Variants in EFNA3 observed in about 807,000 individuals in gnomAD.
The protein encoded by EFNA3 is ephrin A3.
In EFNA3, 15 loss-of-function variants were observed where a neutral mutation model predicts 25.0. The observed-to-expected ratio is 0.60, with a 90% CI of 0.40 to 0.92. The LOEUF is 0.92. Among genes scored for constraint, EFNA3 ranks in the 40% least tolerant of loss-of-function variants. EFNA3 has a pLI of 0.00. For missense variants in EFNA3, 298 were observed against 323.8 expected (o/e 0.92, Z 0.61); for synonymous variants, 153 against 145.6 (o/e 1.05, Z -0.37).
In EFNA3 at chr1:155,086,857, G is replaced by A. The variant is rs1470142477; in HGVS notation, c.*314G>A. 9.8e-6 allele frequency: 3 copies of A among 306,360 alleles called. No homozygotes were observed. The highest frequency in any genetic ancestry group is 1.9e-5 in the Non-Finnish European group (3 of 161,554). The allele number at this position is 306,360 out of a possible 1,614,324, so 19.0% of individuals were successfully genotyped here. The stretch of plus-strand genomic sequence containing the variant: ...CCCTGGTACCTTTCCCTGACTCCTG[G>A]TGCCCTCTCCCTTTGTCCCCCCAGA... On this transcript the variant is annotated 3_prime_UTR_variant, in exon 5 of 5. Transcript: ENST00000368408.
intron 1 of EFNA3, among the ~76,000 whole-genome samples, chr1:155,084,086 C>G (rs1479446775): frequency 2.0e-5 from 3 of 152,184 alleles, no homozygotes; most frequent in African/African-American, 7.2e-5. Context: ...AAAGAGGGAT[C>G]AGGGAAATAA....
At chr1:155,086,040 G>A in intron 3 of EFNA3, 88 bp from the exon 4 acceptor site, 3 of 1,572,268 alleles carry the variant, frequency 1.9e-6, no homozygotes, top group Non-Finnish European at 1.7e-6. Flanking sequence ...CACAGGTGAG[G>A]GGGGCTTGCT....
At position 155,085,680 on chromosome 1, in the gene EFNA3, A is replaced by C; in HGVS notation, c.443-197A>C. On this transcript the variant is annotated intron_variant, in intron 2 of 4. Transcript: ENST00000368408. This position sits in a 1 kb window ranked among gnomAD's most constrained non-coding sequence, Gnocchi z 4.4. Reference sequence around the variant, plus strand: ...CCGGGGTTGGAACATCAGGGATCCCAGTTTCTTGAGGGGTGGGACCAAAGG... The same window carrying C: ...CCGGGGTTGGAACATCAGGGATCCCCGTTTCTTGAGGGGTGGGACCAAAGG... 1 of 690,594 alleles carries C rather than the reference A, an allele frequency of 1.4e-6. No individual in the cohort carries two copies. The highest frequency in any genetic ancestry group is 1.9e-5 in the South Asian group (1 of 52,096). 42.8% of individuals were successfully genotyped at this position (690,594 alleles called of 1,614,324 possible). A position where few individuals can be genotyped will look rare whatever the true frequency, so the allele number is the denominator to read the frequency against.
chr1:155,081,804 C>T lies in EFNA3; in HGVS notation c.128+2735C>T, dbSNP rs563972558. On this transcript the variant is annotated intron_variant, in intron 1 of 4. Coordinates refer to ENST00000368408, the MANE Select transcript of EFNA3 (RefSeq NM_004952.5). This position sits in a 1 kb window ranked among gnomAD's most constrained non-coding sequence, Gnocchi z 5.2. ...TCGCACTGTGTCTCCCTTCCTTTCC[C>T]CTTTCAGTGAATCCGGCCTCTGCCA... Among the ~76,000 whole-genome samples the T allele has an allele frequency of 7.9e-5, 12 of 152,352 alleles. No homozygotes were observed. The South Asian group carries it at 2.3e-3, about 29-fold the overall frequency.
intron 4 of EFNA3, 74 bp from the exon 5 acceptor site, chr1:155,086,339 A>T: frequency 6.8e-7 from 1 of 1,468,414 alleles, no homozygotes; most frequent in South Asian, 1.2e-5. Flanking sequence ...CCCTGGCTCC[A>T]TTGCTGCTGC....
In EFNA3 at chr1:155,086,502, G is replaced by C. The variant is rs774764211; in HGVS notation, c.676G>C (p.Val226Leu). 6.2e-7 allele frequency: 1 copy of C among 1,614,046 alleles called. No individual in the cohort carries two copies. Residue 226 changes from valine to leucine, a missense_variant, in exon 5 of 5, where the codon GTG becomes CTG. Transcript: ENST00000368408. Reference sequence around the variant, plus strand: ...CAAACGGGAACACCTGCCCCTGGCCGTGGGCATCGCCTTCTTCCTCATGAC... The same window carrying C: ...CAAACGGGAACACCTGCCCCTGGCCCTGGGCATCGCCTTCTTCCTCATGAC... ...SPKREHLPLAVGIAFFLMTFL... is the reference protein window; with the variant it reads ...SPKREHLPLALGIAFFLMTFL...
At chr1:155,084,544 G>T (rs189438968) in intron 1 of EFNA3, among the ~76,000 whole-genome samples, 256 of 152,370 alleles carry the variant, frequency 1.7e-3, no homozygotes, top group African/African-American at 5.3e-3. Context: ...GTCTGTAAGG[G>T]CAGGTCCTGT....
At position 155,085,934 on chromosome 1, in the gene EFNA3, G is replaced by A. The variant is rs757677577; in HGVS notation, c.500G>A (p.Cys167Tyr). ...KCLRMKVFVCCASTSHSGEKP... is the reference protein window; with the variant it reads ...KCLRMKVFVCYASTSHSGEKP... ...CTGAGGATGAAGGTGTTCGTCTGCT[G>A]CGCCTCCAGTGAGTAGAATAGGCTC... Residue 167 changes from cysteine to tyrosine, a missense_variant, in exon 3 of 5, where the codon TGC becomes TAC. Coordinates refer to ENST00000368408, the MANE Select transcript of EFNA3 (RefSeq NM_004952.5). The surrounding 1 kb of genome is among the most constrained non-coding windows in gnomAD (Gnocchi z 4.4). 2 of 1,611,232 alleles carry A rather than the reference G, an allele frequency of 1.2e-6. No homozygotes were observed. Among genetic ancestry groups the A allele is most frequent in the East Asian group, 2.2e-5 (1 of 44,578 alleles).
In EFNA3 at chr1:155,079,174, C is replaced by A; in HGVS notation, c.128+105C>A. On this transcript the variant is annotated intron_variant, in intron 1 of 4. Transcript: ENST00000368408. The surrounding 1 kb of genome is among the most constrained non-coding windows in gnomAD (Gnocchi z 7.7). ...TCCCGGGGTGGGAGTCCTGGGAGAC[C>A]AGAGCTGGGGGCTGGGAGGGGACGG... 8.5e-7 allele frequency: 1 copy of A among 1,176,292 alleles called. No individual in the cohort carries two copies. The highest frequency in any genetic ancestry group is 1.1e-6 in the Non-Finnish European group (1 of 922,960). The allele number at this position is 1,176,292 out of a possible 1,614,324, so 72.9% of individuals were successfully genotyped here.
rs1663321062 is a variant in EFNA3 at position 155,080,474 on chromosome 1, G to A, written c.128+1405G>A. Among the ~76,000 whole-genome samples, 1 of 152,130 alleles carries A rather than the reference G, an allele frequency of 6.6e-6. No homozygotes were observed. Among genetic ancestry groups the A allele is most frequent in the Non-Finnish European group, 1.5e-5 (1 of 67,994 alleles). ...GGAGCGGGACTCCAAGAACTCCGGGGGGCGCTGGGGGCTGACTTTCCAGCT... is the reference window on the plus strand; with the variant it reads ...GGAGCGGGACTCCAAGAACTCCGGGAGGCGCTGGGGGCTGACTTTCCAGCT... On this transcript the variant is annotated intron_variant, in intron 1 of 4. Transcript: ENST00000368408. The surrounding 1 kb of genome is among the most constrained non-coding windows in gnomAD (Gnocchi z 7.0).
intron 4 of EFNA3, 60 bp downstream of exon 4, chr1:155,086,265 G>T: frequency 3.8e-6 from 6 of 1,599,624 alleles, no homozygotes; most frequent in Non-Finnish European, 5.1e-6. Context: ...CCGCCCCGGT[G>T]CCTGCTCACC....
Position 155,086,615 on chromosome 1 carries a change from A to G in EFNA3, c.*72A>G, listed in dbSNP as rs1202668131. The G allele has an allele frequency of 1.3e-6, 2 of 1,578,908 alleles. No individual in the cohort carries two copies. Among genetic ancestry groups the G allele is most frequent in the Non-Finnish European group, 1.7e-6 (2 of 1,163,052 alleles). ...GGAGCAGGGAGCCTTTGGCCTCTCC[A>G]AGGGAAGCCTAGTGGGCCTAGACCC... is the stretch of plus-strand genomic sequence containing the variant. On this transcript the variant is annotated 3_prime_UTR_variant, in exon 5 of 5. Transcript: ENST00000368408.
chr1:155,080,870 G>A lies in EFNA3; in HGVS notation c.128+1801G>A, dbSNP rs1408957762. Among the ~76,000 whole-genome samples the A allele has an allele frequency of 6.6e-6, 1 of 152,194 alleles. No homozygotes were observed. The highest frequency in any genetic ancestry group is 2.4e-5 in the African/African-American group (1 of 41,452). ...GCCGCCGCCCCCGCCTCGCTTCCCG[G>A]GCCTTTGTTGCCGCTGCGCCCGGGC... is the stretch of plus-strand genomic sequence containing the variant. On this transcript the variant is annotated intron_variant, in intron 1 of 4. Coordinates refer to ENST00000368408, the MANE Select transcript of EFNA3 (RefSeq NM_004952.5). This position sits in a 1 kb window ranked among gnomAD's most constrained non-coding sequence, Gnocchi z 7.0.
intron 1 of EFNA3, among the ~76,000 whole-genome samples, chr1:155,082,443 TCCC>T (rs1349016052): frequency 6.6e-6 from 1 of 152,076 alleles, no homozygotes; most frequent in South Asian, 2.1e-4. Flanking sequence ...GTTTGCTCCT[TCCC>T]CGCTCCGCCC....
chr1:155,086,744 G>A lies in EFNA3; in HGVS notation c.*201G>A. On this transcript the variant is annotated 3_prime_UTR_variant, in exon 5 of 5. Coordinates refer to ENST00000368408, the MANE Select transcript of EFNA3 (RefSeq NM_004952.5). Reference sequence around the variant, plus strand: ...CTGTAGTGGACCAAGCACGGGGACAGCCATGGGTCCCGGGCGGCCTTGTGG... The same window carrying A: ...CTGTAGTGGACCAAGCACGGGGACAACCATGGGTCCCGGGCGGCCTTGTGG... The A allele has an allele frequency of 1.5e-6, 1 of 652,812 alleles. No homozygotes were observed. 40.4% of individuals were successfully genotyped at this position (652,812 alleles called of 1,614,324 possible).
chr1:155,086,123 C>CCCCCCCAA lies in EFNA3; in HGVS notation c.509-5_509-4insCCCCCCAA. ...CTCTCTCCCCACCCGCACCCCACCC[C>CCCCCCCAA]GCAGCATCGCACTCCGGGGAGAAGC... On this transcript the variant is annotated splice_region_variant and splice_polypyrimidine_tract_variant and intron_variant, in intron 3 of 4. Transcript: ENST00000368408. 1.2e-6 allele frequency: 2 copies of CCCCCCCAA among 1,611,518 alleles called. No individual in the cohort carries two copies. The highest frequency in any genetic ancestry group is 8.5e-7 in the Non-Finnish European group (1 of 1,178,486).
rs965888128 is a variant in EFNA3 at position 155,086,708 on chromosome 1, C to G, written c.*165C>G. 3.6e-6 allele frequency: 3 copies of G among 834,454 alleles called. 1 individual carries two copies. Among genetic ancestry groups the G allele is most frequent in the South Asian group, 3.5e-5 (2 of 56,440 alleles). 51.7% of individuals were successfully genotyped at this position (834,454 alleles called of 1,614,324 possible). A position where few individuals can be genotyped will look rare whatever the true frequency, so the allele number is the denominator to read the frequency against. ...GTCCGCCCCCTCTACCCCTTCCCCC[C>G]ACGTAGGGCACTGTAGTGGACCAAG... On this transcript the variant is annotated 3_prime_UTR_variant, in exon 5 of 5. Coordinates refer to ENST00000368408, the MANE Select transcript of EFNA3 (RefSeq NM_004952.5).
rs1228230668 is a variant in EFNA3 at position 155,080,846 on chromosome 1, C to G, written c.128+1777C>G. Among the ~76,000 whole-genome samples, 1 of 152,142 alleles carries G rather than the reference C, an allele frequency of 6.6e-6. No individual in the cohort carries two copies. The highest frequency in any genetic ancestry group is 1.5e-5 in the Non-Finnish European group (1 of 67,982). The stretch of plus-strand genomic sequence containing the variant: ...GGGCGCACACCGGGCCAGGAGGCTG[C>G]CGCCGCCCCCGCCTCGCTTCCCGGG... On this transcript the variant is annotated intron_variant, in intron 1 of 4. Transcript: ENST00000368408. The surrounding 1 kb of genome is among the most constrained non-coding windows in gnomAD (Gnocchi z 7.0).
At position 155,080,241 on chromosome 1, in the gene EFNA3, C is replaced by A. The variant is rs935897360; in HGVS notation, c.128+1172C>A. 6.6e-6 allele frequency among the ~76,000 whole-genome samples: 1 copy of A among 152,044 alleles called. No individual in the cohort carries two copies. The highest frequency in any genetic ancestry group is 1.5e-5 in the Non-Finnish European group (1 of 67,982). On this transcript the variant is annotated intron_variant, in intron 1 of 4. Coordinates refer to ENST00000368408, the MANE Select transcript of EFNA3 (RefSeq NM_004952.5). The surrounding 1 kb of genome is among the most constrained non-coding windows in gnomAD (Gnocchi z 7.0). ...AATGGCCAGACCCCAGGGGAGGGGA[C>A]CGGGAGGGCCGGGCGGCCGCGACCC...
Sources: allele counts gnomAD v4.1 joint callset (sites outside exome capture counted in the v4.1 genomes callset), GRCh38; gene constraint gnomAD v4.1.1; non-coding constraint Gnocchi (gnomAD v3.1); transcripts MANE v1.5; gene names NCBI Gene and HGNC (gene_info 2026-07-23, HGNC 2026-07-21).